Variants in CXXC5 observed in about 807,000 individuals in gnomAD.
CXXC5 encodes CXXC-type zinc finger protein 5.
Under a neutral mutation model 17.6 loss-of-function variants are expected in CXXC5, and 2 were observed. That is an observed-to-expected ratio of 0.11 (90% CI 0.05 to 0.36). The LOEUF (loss-of-function observed/expected upper bound fraction) is 0.36, where lower values mean the gene tolerates loss of function less well. Among genes scored for constraint, CXXC5 ranks in the 10% least tolerant of loss-of-function variants. CXXC5 has a pLI of 1.00. For synonymous variants in CXXC5, 171 were observed against 193.0 expected, an observed-to-expected ratio of 0.89 and a Z score of 0.94; for missense variants, 343 against 458.3, an observed-to-expected ratio of 0.75 and a Z score of 2.30.
At chr5:139,656,032 G>A (rs925201474) in intron 1 of CXXC5, among the ~76,000 whole-genome samples, 3 of 152,172 alleles carry the variant, frequency 2.0e-5, no homozygotes, top group African/African-American at 7.2e-5. Context: ...ACCCTACATC[G>A]CCCTTGGGCC....
rs1756368716 is a variant in CXXC5 at position 139,670,051 on chromosome 5, C to T, written c.-160-10313C>T. Reference sequence around the variant, plus strand: ...GCAGCACTGTGGCGGCGGCTCCTCTCCAGGCGCCCAGCTGTGGCATCTGTC... The same window carrying T: ...GCAGCACTGTGGCGGCGGCTCCTCTTCAGGCGCCCAGCTGTGGCATCTGTC... On this transcript the variant is annotated intron_variant, in intron 1 of 2. Coordinates refer to ENST00000302517, the MANE Select transcript of CXXC5 (RefSeq NM_016463.9). The surrounding 1 kb of genome is among the most constrained non-coding windows in gnomAD (Gnocchi z 4.2). Among the ~76,000 whole-genome samples, 1 of 152,226 alleles carries T rather than the reference C, an allele frequency of 6.6e-6. No individual in the cohort carries two copies. Among genetic ancestry groups the T allele is most frequent in the Non-Finnish European group, 1.5e-5 (1 of 68,038 alleles).
At chr5:139,671,064 C>A (rs1756439846) in intron 1 of CXXC5, among the ~76,000 whole-genome samples, 1 of 152,248 alleles carries the variant, frequency 6.6e-6, no homozygotes, top group Non-Finnish European at 1.5e-5. Context: ...CTTGAGGCCT[C>A]AGCTTGCTGA....
intron 1 of CXXC5, among the ~76,000 whole-genome samples, chr5:139,660,336 G>A (rs1483237764): frequency 6.6e-6 from 1 of 152,154 alleles, no homozygotes; most frequent in Non-Finnish European, 1.5e-5. Context: ...TCATGCTCCC[G>A]CCCCTCCACC....
intron 1 of CXXC5, among the ~76,000 whole-genome samples, chr5:139,678,726 AGG>A (rs1439452337): frequency 6.6e-6 from 1 of 151,724 alleles, no homozygotes; most frequent in African/African-American, 2.4e-5. Context: ...TCCTGTGACT[AGG>A]GGGGTTTTGG....
chr5:139,673,537 C>T (rs1756596170), intron 1 of CXXC5, among the ~76,000 whole-genome samples: 2 of 152,120 alleles, frequency 1.3e-5, no homozygotes, highest in Non-Finnish European at 2.9e-5. Context: ...TTTTGGGGAG[C>T]ACCGTAAAAC....
chr5:139,657,955 G>T (rs1279690196), intron 1 of CXXC5, among the ~76,000 whole-genome samples: 1 of 151,968 alleles, frequency 6.6e-6, no homozygotes, highest in Non-Finnish European at 1.5e-5. Context: ...ACTCTGGTGC[G>T]GGCTGACTTC....
At chr5:139,652,841 T>C (rs539216219) in intron 1 of CXXC5, among the ~76,000 whole-genome samples, 19 of 152,250 alleles carry the variant, frequency 1.2e-4, no homozygotes, top group Middle Eastern at 6.8e-3. Context: ...GGATTTGTGA[T>C]TTGTGTGTAT....
intron 1 of CXXC5, among the ~76,000 whole-genome samples, chr5:139,662,666 G>A (rs1755886988): frequency 6.6e-6 from 1 of 152,130 alleles, no homozygotes; most frequent in African/African-American, 2.4e-5. Flanking sequence ...CTGGACCGTG[G>A]TTGAGGAGGA....
chr5:139,678,758 TC>T (rs1215688944), intron 1 of CXXC5, among the ~76,000 whole-genome samples: 1 of 152,060 alleles, frequency 6.6e-6, no homozygotes, highest in Non-Finnish European at 1.5e-5. Flanking sequence ...GGGACAAAGA[TC>T]CAGTGTGTGC....
In CXXC5 at chr5:139,651,536, G is replaced by A. The variant is rs115326253; in HGVS notation, c.-161+2691G>A. Among the ~76,000 whole-genome samples the A allele has an allele frequency of 9.1e-3, 1,379 of 152,290 alleles. 13 individuals carry two copies. Among genetic ancestry groups the A allele is most frequent in the Middle Eastern group, 0.041 (12 of 294 alleles). ...GCTCTGCCTGCCTCCTACTCATTTG[G>A]CACATGTGAAACTGAGACCCATAGG... On this transcript the variant is annotated intron_variant, in intron 1 of 2. Transcript: ENST00000302517.
Position 139,648,671 on chromosome 5 carries a change from C to CCTCGGGCCAGCCGCGGCGGCGCGA in CXXC5, c.-327_-304dup, listed in dbSNP as rs1270540840. On this transcript the variant is annotated 5_prime_UTR_variant, in exon 1 of 3. Transcript: ENST00000302517. ...TGCTGCAGGCTCCCCCCCCTCCCCGCCTCGGGCCAGCCGCGGCGGCGCGAC... is the reference window on the plus strand; with the variant it reads ...TGCTGCAGGCTCCCCCCCCTCCCCGCCTCGGGCCAGCCGCGGCGGCGCGACTCGGGCCAGCCGCGGCGGCGCGAC... 2.0e-5 allele frequency: 3 copies of CCTCGGGCCAGCCGCGGCGGCGCGA among 151,444 alleles called. No individual in the cohort carries two copies. Among genetic ancestry groups the CCTCGGGCCAGCCGCGGCGGCGCGA allele is most frequent in the Non-Finnish European group, 4.4e-5 (3 of 67,756 alleles). The allele number at this position is 151,444 out of a possible 1,614,324, so 9.4% of individuals were successfully genotyped here. A position where few individuals can be genotyped will look rare whatever the true frequency, so the allele number is the denominator to read the frequency against.
At chr5:139,673,637 T>G (rs1756603644) in intron 1 of CXXC5, among the ~76,000 whole-genome samples, 1 of 150,796 alleles carries the variant, frequency 6.6e-6, no homozygotes, top group Admixed American at 6.6e-5. Flanking sequence ...AGGTCAGGAG[T>G]TCAAGACCAG....
intron 1 of CXXC5, chr5:139,649,237 T>TG (rs1308504403): frequency 6.6e-6 from 1 of 152,012 alleles, no homozygotes; most frequent in African/African-American, 2.4e-5. Context: ...TTGGGCGCCG[T>TG]GGAGTGGGGC....
At chr5:139,650,568 C>T (rs767317512) in intron 1 of CXXC5, among the ~76,000 whole-genome samples, 3 of 152,212 alleles carry the variant, frequency 2.0e-5, no homozygotes, top group Non-Finnish European at 2.9e-5. Flanking sequence ...TCGCTGCGGA[C>T]TTGTTTGGAG....
chr5:139,665,104 G>C (rs1287913056), intron 1 of CXXC5, among the ~76,000 whole-genome samples: 1 of 152,234 alleles, frequency 6.6e-6, no homozygotes, highest in Non-Finnish European at 1.5e-5. Context: ...CTGACCTTCA[G>C]AGCACCCAGG....
At chr5:139,674,214 C>T (rs1756650315) in intron 1 of CXXC5, among the ~76,000 whole-genome samples, 1 of 152,184 alleles carries the variant, frequency 6.6e-6, no homozygotes, top group Non-Finnish European at 1.5e-5. Flanking sequence ...GCTTCTTTTT[C>T]CCTCTGGAAA....
chr5:139,679,175 G>A (rs1740402949), intron 1 of CXXC5, among the ~76,000 whole-genome samples: 1 of 152,208 alleles, frequency 6.6e-6, no homozygotes, highest in South Asian at 2.1e-4. Context: ...GGCTCTCTGG[G>A]TTCTCACTGA....
intron 1 of CXXC5, among the ~76,000 whole-genome samples, chr5:139,666,460 C>T (rs1756119093): frequency 6.6e-6 from 1 of 152,184 alleles, no homozygotes; most frequent in Non-Finnish European, 1.5e-5. Flanking sequence ...TGACCACAAG[C>T]CTCAGCCAGA....
At chr5:139,677,919 C>T (rs565176160) in intron 1 of CXXC5, among the ~76,000 whole-genome samples, 9 of 152,380 alleles carry the variant, frequency 5.9e-5, no homozygotes, top group African/African-American at 1.7e-4. Flanking sequence ...CACGCAGAGC[C>T]AGATCCTGGA....
Sources: gnomAD v4.1 joint callset for allele counts (sites outside exome capture counted in the v4.1 genomes callset) on GRCh38, gnomAD v4.1.1 for gene constraint, Gnocchi (gnomAD v3.1) non-coding constraint, MANE v1.5 for transcripts, NCBI Gene and HGNC (gene_info 2026-07-23, HGNC 2026-07-21) for gene names.